FBXL2: variants seen among roughly 807,000 people sequenced by gnomAD.
FBXL2 encodes the protein F-box/LRR-repeat protein 2.
In FBXL2, 38 loss-of-function variants were observed where a neutral mutation model predicts 69.2. That is an observed-to-expected ratio of 0.55 (90% CI 0.42 to 0.72). The LOEUF (loss-of-function observed/expected upper bound fraction) is 0.72. Ranked by LOEUF, FBXL2 falls within the 30% of genes least tolerant of loss-of-function variation. The probability of loss-of-function intolerance (pLI) is 0.00; values close to 1 mark genes in which losing one functional copy is unlikely to be tolerated. For missense variants in FBXL2, 354 were observed against 520.3 expected, an observed-to-expected ratio of 0.68 and a Z score of 3.11; for synonymous variants, 192 against 201.3, an observed-to-expected ratio of 0.95 and a Z score of 0.39.
intron 11 of FBXL2, 116 bp from the exon 12 acceptor site, chr3:33,377,987 C>A: frequency 2.0e-6 from 2 of 997,636 alleles, no homozygotes; most frequent in Non-Finnish European, 3.2e-6. Flanking sequence ...AGAGGGCATA[C>A]TTCTTAACAG....
At chr3:33,356,938 G>C (rs1400233328) in intron 2 of FBXL2, among the ~76,000 whole-genome samples, 1 of 152,134 alleles carries the variant, frequency 6.6e-6, no homozygotes, top group Non-Finnish European at 1.5e-5. Context: ...GCTGTGTTAA[G>C]CGTTCCAAAG....
chr3:33,311,359 G>A (rs1003688044), intron 2 of FBXL2, among the ~76,000 whole-genome samples: 4 of 151,802 alleles, frequency 2.6e-5, no homozygotes, highest in African/African-American at 4.8e-5. Context: ...CTTTCTACCC[G>A]CCCCCACTTT....
At chr3:33,373,801 C>T (rs773115623) in intron 8 of FBXL2, 46 bp from the exon 9 acceptor site, 2 of 1,613,188 alleles carry the variant, frequency 1.2e-6, no homozygotes, top group Admixed American at 3.3e-5. Flanking sequence ...TCCCACTGTT[C>T]CCTCACCTGG....
rs139907590 is a variant in FBXL2, at chr3:33,384,815, C to T, written c.1164+614C>T. ...CAGCACTTTGGGAGGCCGAGGCGGG[C>T]GGATCACAAGGTCAAGGGTTCGAGA... On this transcript the variant is annotated intron_variant, in intron 14 of 14. Transcript: ENST00000484457. 9.5e-3 allele frequency among the ~76,000 whole-genome samples: 1,444 copies of T among 152,052 alleles called. 19 individuals carry two copies. The highest frequency in any genetic ancestry group is 0.016 in the Admixed American group (250 of 15,274).
At chr3:33,367,945 T>G (rs987141630) in intron 5 of FBXL2, among the ~76,000 whole-genome samples, 3 of 152,232 alleles carry the variant, frequency 2.0e-5, no homozygotes, top group African/African-American at 2.4e-5. Flanking sequence ...CTAATTCCCC[T>G]TTTGATTTCT....
chr3:33,295,124 A>G (rs1001432320), intron 1 of FBXL2, among the ~76,000 whole-genome samples: 40 of 152,198 alleles, frequency 2.6e-4, no homozygotes, highest in African/African-American at 9.2e-4. Context: ...ATCATATACT[A>G]TAAATTTTGC....
Position 33,396,178 on chromosome 3 carries a change from G to T in FBXL2, n.1215-7056G>T, listed in dbSNP as rs775394679. 43 of 1,582,476 alleles carry T rather than the reference G, an allele frequency of 2.7e-5. 1 individual carries two copies. In the South Asian group the frequency reaches 4.7e-4, roughly 17 times the overall value. On this transcript the variant is annotated intron_variant and non_coding_transcript_variant, in intron 12 of 12. Transcript: ENST00000463736. ...AATACCTACCATAGGGTGCCCCACT[G>T]CCATTCTCGCTTGCACTGCTTGCAG... is the stretch of plus-strand genomic sequence containing the variant.
intron 2 of FBXL2, among the ~76,000 whole-genome samples, chr3:33,314,490 G>A (rs1056382474): frequency 6.6e-6 from 1 of 152,154 alleles, no homozygotes; most frequent in African/African-American, 2.4e-5. Flanking sequence ...CAAATGGCAG[G>A]CAGGCTCTAT....
intron 9 of FBXL2, 74 bp from the exon 10 acceptor site, chr3:33,375,214 G>T: frequency 1.3e-6 from 2 of 1,570,768 alleles, no homozygotes; most frequent in Non-Finnish European, 1.7e-6. Context: ...AACAACAGCA[G>T]ATACTTTTCT....
At chr3:33,280,441 G>T (rs2033846900) in intron 1 of FBXL2, among the ~76,000 whole-genome samples, 1 of 152,178 alleles carries the variant, frequency 6.6e-6, no homozygotes, top group Non-Finnish European at 1.5e-5. Context: ...GGGCTCAGTG[G>T]CTCACGCCTG....
chr3:33,377,132 A>G (rs2042692662), intron 10 of FBXL2, 141 bp from the exon 11 acceptor site: 2 of 722,678 alleles, frequency 2.8e-6, no homozygotes. Context: ...GGCTTTGGGC[A>G]GGTCACATTC....
intron 2 of FBXL2, among the ~76,000 whole-genome samples, chr3:33,352,395 A>G (rs889111773): frequency 2.0e-5 from 3 of 152,336 alleles, no homozygotes; most frequent in Non-Finnish European, 1.5e-5. Flanking sequence ...GTGACCTTAG[A>G]TTTGGCAATG....
the FBXL2 span, among the ~76,000 whole-genome samples, chr3:33,420,671 T>C: frequency 2.6e-5 from 4 of 152,128 alleles, no homozygotes; most frequent in African/African-American, 9.7e-5. Flanking sequence ...GTATTTTTAG[T>C]GGAGACAGGG....
At chr3:33,394,524 G>T (rs1046321992) in intron 12 of FBXL2, among the ~76,000 whole-genome samples, 1 of 145,544 alleles carries the variant, frequency 6.9e-6, no homozygotes, top group Non-Finnish European at 1.5e-5. Context: ...ACATTCCAGT[G>T]TTCTGCATTT....
exon 13 of FBXL2, chr3:33,403,494 AT>A (rs1251171762): frequency 1.1e-4 from 5 of 47,568 alleles, no homozygotes; most frequent in African/African-American, 3.2e-4. Flanking sequence ...ATCTCTATCT[AT>A]CTATCTATCT....
chr3:33,336,876 G>C (rs1427230692), intron 2 of FBXL2, among the ~76,000 whole-genome samples: 1 of 151,462 alleles, frequency 6.6e-6, no homozygotes, highest in East Asian at 1.9e-4. Flanking sequence ...CTGCACTGCA[G>C]CTTGGTGACA....
intron 2 of FBXL2, among the ~76,000 whole-genome samples, chr3:33,342,955 T>C (rs1290893435): frequency 1.4e-5 from 2 of 147,434 alleles, no homozygotes; most frequent in Non-Finnish European, 1.5e-5. Context: ...TTAGCCAGGA[T>C]GGTCTCCATC....
At chr3:33,402,758 A>G in intron 12 of FBXL2, 3 of 1,372,212 alleles carry the variant, frequency 2.2e-6, no homozygotes, top group South Asian at 1.5e-5. Context: ...AAGGCACATG[A>G]GCATTAGTTA....
intron 2 of FBXL2, among the ~76,000 whole-genome samples, chr3:33,304,800 T>C (rs188384642): frequency 6.6e-6 from 1 of 152,184 alleles, no homozygotes; most frequent in East Asian, 1.9e-4. Flanking sequence ...TGAATCTCTT[T>C]CCAACACTTA....
Sources: gnomAD v4.1 joint callset for allele counts (sites outside exome capture counted in the v4.1 genomes callset) on GRCh38, gnomAD v4.1.1 for gene constraint, MANE v1.5 for transcripts, NCBI Gene and HGNC (gene_info 2026-07-23, HGNC 2026-07-21) for gene names.